ACTR3: variants seen among roughly 807,000 people sequenced by gnomAD.
The protein encoded by ACTR3 is actin-related protein 3.
In ACTR3, 12 loss-of-function variants were observed where a neutral mutation model predicts 56.8. The observed-to-expected ratio is 0.21, with a 90% CI of 0.14 to 0.34. ACTR3 has a LOEUF of 0.34. Among genes scored for constraint, ACTR3 ranks in the 10% least tolerant of loss-of-function variants. The pLI is 1.00. For missense variants in ACTR3, 282 were observed against 512.5 expected (o/e 0.55, Z 4.34); for synonymous variants, 162 against 167.4 (o/e 0.97, Z 0.25).
At chr2:113,945,223 C>T (rs1360883439) in intron 8 of ACTR3, among the ~76,000 whole-genome samples, 1 of 152,164 alleles carries the variant, frequency 6.6e-6, no homozygotes, top group African/African-American at 2.4e-5. Flanking sequence ...GATGTATACA[C>T]ACAATTTTAA....
Position 113,951,791 on chromosome 2 carries a change from A to G in ACTR3, c.1023A>G (p.Arg341=), listed in dbSNP as rs1010600447. Residue 341 remains arginine, a synonymous_variant, in exon 10 of 12, where the codon AGA becomes AGG. Coordinates refer to ENST00000263238, the MANE Select transcript of ACTR3 (RefSeq NM_005721.5). ...FGRRLQRDLK[R]TVDARLKLSE... ...GTCGCTTGCAAAGAGATTTGAAAAG[A>G]ACTGTAGATGCCCGGCTGAAATTAA... 5 of 1,613,676 alleles carry G rather than the reference A, an allele frequency of 3.1e-6. No individual in the cohort carries two copies. The highest frequency in any genetic ancestry group is 3.4e-6 in the Non-Finnish European group (4 of 1,179,740).
At chr2:113,933,902 G>C (rs895552389) in intron 5 of ACTR3, 5 of 167,782 alleles carry the variant, frequency 3.0e-5, no homozygotes, top group African/African-American at 1.2e-4. Context: ...GGAAGGTCTC[G>C]ATCTCCTGAC....
intron 1 of ACTR3, among the ~76,000 whole-genome samples, chr2:113,891,994 T>A (rs1678913037): frequency 6.6e-6 from 1 of 152,244 alleles, no homozygotes; most frequent in Non-Finnish European, 1.5e-5. Flanking sequence ...ACTTTTCAAA[T>A]GTGTTTTGTT....
chr2:113,894,331 G>C (rs576506685), intron 1 of ACTR3, among the ~76,000 whole-genome samples: 16 of 152,148 alleles, frequency 1.1e-4, no homozygotes, highest in Non-Finnish European at 1.6e-4. Context: ...GACCTCAGGT[G>C]ATCCACCCAC....
intron 5 of ACTR3, among the ~76,000 whole-genome samples, chr2:113,932,930 T>A (rs1679749832): frequency 6.6e-6 from 1 of 152,290 alleles, no homozygotes; most frequent in South Asian, 2.1e-4. Context: ...GCTATTACAG[T>A]CCAGGTAGGT....
At chr2:113,949,905 GTA>G (rs1364300469) in intron 8 of ACTR3, among the ~76,000 whole-genome samples, 6 of 152,120 alleles carry the variant, frequency 3.9e-5, no homozygotes, top group Non-Finnish European at 7.4e-5. Context: ...TTTTTAAAAA[GTA>G]TGTTTTTCTT....
At position 113,922,418 on chromosome 2, in the gene ACTR3, A is replaced by G. The variant is rs17045951; in HGVS notation, c.226-4927A>G. On this transcript the variant is annotated intron_variant, in intron 3 of 11. Transcript: ENST00000263238. Reference sequence around the variant, plus strand: ...AGAAAAAAGGCTAAGTATGGAATCCATTTTACAGATTTGAATTCCTGACTG... The same window carrying G: ...AGAAAAAAGGCTAAGTATGGAATCCGTTTTACAGATTTGAATTCCTGACTG... 9.1e-3 allele frequency among the ~76,000 whole-genome samples: 1,381 copies of G among 152,324 alleles called. 82 individuals carry two copies. In the East Asian group the frequency reaches 0.18, roughly 20 times the overall value.
intron 3 of ACTR3, among the ~76,000 whole-genome samples, chr2:113,917,520 G>T (rs1679429913): frequency 6.6e-6 from 1 of 152,042 alleles, no homozygotes; most frequent in Admixed American, 6.6e-5. Context: ...AACAGGTAAA[G>T]AAACAGAACA....
At position 113,955,618 on chromosome 2, in the gene ACTR3, T is replaced by G. The variant is rs1215232061; in HGVS notation, c.1078-5T>G. The G allele has an allele frequency of 6.2e-7, 1 of 1,607,096 alleles. No homozygotes were observed. The highest frequency in any genetic ancestry group is 8.5e-7 in the Non-Finnish European group (1 of 1,175,686). On this transcript the variant is annotated splice_polypyrimidine_tract_variant and splice_region_variant and intron_variant, in intron 10 of 11. Coordinates refer to ENST00000263238, the MANE Select transcript of ACTR3 (RefSeq NM_005721.5). ...TGAAGATGATCATACTATGTCTTTC[T>G]TTAGCCAAAACCTATTGATGTACAA...
chr2:113,931,270 T>C (rs751421952), intron 4 of ACTR3, 31 bp from the exon 5 acceptor site: 2 of 1,277,690 alleles, frequency 1.6e-6, no homozygotes, highest in African/African-American at 3.1e-5. Flanking sequence ...AATCTGATAT[T>C]ATCTATTTAA....
At chr2:113,956,477 A>T (rs922122070) in intron 11 of ACTR3, among the ~76,000 whole-genome samples, 1 of 151,348 alleles carries the variant, frequency 6.6e-6, no homozygotes, top group African/African-American at 2.4e-5. Context: ...TAAAACTGGT[A>T]ATTTAGTCAT....
At chr2:113,932,818 T>A (rs888282765) in intron 5 of ACTR3, among the ~76,000 whole-genome samples, 3 of 152,166 alleles carry the variant, frequency 2.0e-5, no homozygotes, top group Non-Finnish European at 4.4e-5. Context: ...CAAAAAATAA[T>A]GTATAGTTCT....
In ACTR3 at chr2:113,927,422, A is replaced by G. The variant is rs1679642056; in HGVS notation, c.303A>G (p.Leu101=). Residue 101 remains leucine (L), a synonymous_variant, in exon 4 of 12, where the codon TTA becomes TTG. Coordinates refer to ENST00000263238, the MANE Select transcript of ACTR3 (RefSeq NM_005721.5). ...RFMEQVIFKY[L]RAEPEDHYFL... is the part of the protein sequence containing the mutation. ...TGGAGCAAGTGATCTTTAAATATTT[A>G]AGGGCAGAACCTGAAGACCATTATT... 3 of 1,596,670 alleles carry G rather than the reference A, an allele frequency of 1.9e-6. No individual in the cohort carries two copies. The highest frequency in any genetic ancestry group is 1.1e-5 in the South Asian group (1 of 88,462).
At chr2:113,921,415 T>TC (rs953213145) in intron 3 of ACTR3, among the ~76,000 whole-genome samples, 3 of 152,048 alleles carry the variant, frequency 2.0e-5, no homozygotes, top group Non-Finnish European at 2.9e-5. Flanking sequence ...TTTGACCCAT[T>TC]CCATAACTTG....
At chr2:113,928,695 T>G (rs1679662556) in intron 4 of ACTR3, among the ~76,000 whole-genome samples, 1 of 42,596 alleles carries the variant, frequency 2.3e-5, no homozygotes, top group Non-Finnish European at 4.4e-5. Context: ...ATGTCTGTGT[T>G]CCAATAAATT....
At position 113,960,960 on chromosome 2, in the gene ACTR3, TACGTGGA is replaced by T. The variant is rs1680314854; in HGVS notation, c.*3508_*3514del. On this transcript the variant is annotated 3_prime_UTR_variant, in exon 12 of 12. Coordinates refer to ENST00000263238, the MANE Select transcript of ACTR3 (RefSeq NM_005721.5). ...GGCCAAGGACAGAGTTGTTACAAGTTACGTGGAACTTTCATAGCAAATCTTGACAGTA... is the reference window on the plus strand; with the variant it reads ...GGCCAAGGACAGAGTTGTTACAAGTTACTTTCATAGCAAATCTTGACAGTA... 1 of 152,038 alleles carries T rather than the reference TACGTGGA, an allele frequency of 6.6e-6. No homozygotes were observed. Among genetic ancestry groups the T allele is most frequent in the South Asian group, 2.1e-4 (1 of 4,832 alleles). The allele number at this position is 152,038 out of a possible 1,614,324, so 9.4% of individuals were successfully genotyped here. A position where few individuals can be genotyped will look rare whatever the true frequency, so the allele number is the denominator to read the frequency against.
chr2:113,911,496 TGCAA>T (rs971476640), intron 1 of ACTR3, among the ~76,000 whole-genome samples: 2 of 148,952 alleles, frequency 1.3e-5, no homozygotes, highest in African/African-American at 5.0e-5. Flanking sequence ...ATTGCCTCAC[TGCAA>T]CCTCTGTCTC....
intron 3 of ACTR3, among the ~76,000 whole-genome samples, chr2:113,918,483 C>T (rs1433754362): frequency 6.6e-6 from 1 of 151,212 alleles, no homozygotes; most frequent in East Asian, 1.9e-4. Context: ...ATCCCAGGCT[C>T]AAGTGATCCT....
intron 7 of ACTR3, 91 bp from the exon 8 acceptor site, chr2:113,942,095 T>A (rs1679933890): frequency 9.0e-6 from 9 of 1,004,622 alleles, no homozygotes; most frequent in East Asian, 3.2e-5. Flanking sequence ...TTTTTTTTTT[T>A]ATTGGATTAT....
Sources: gnomAD v4.1 joint callset for allele counts (sites outside exome capture counted in the v4.1 genomes callset) on GRCh38, gnomAD v4.1.1 for gene constraint, MANE v1.5 for transcripts, NCBI Gene and HGNC (gene_info 2026-07-23, HGNC 2026-07-21) for gene names.